Variants in DIS3L2 observed in about 807,000 individuals in gnomAD.
DIS3L2 encodes DIS3 like 3'-5' exoribonuclease 2, also known as DIS3-like exonuclease 2.
Under a neutral mutation model 97.5 loss-of-function variants are expected in DIS3L2, and 34 were observed. That is an observed-to-expected ratio of 0.35 (90% CI 0.27 to 0.46). The LOEUF is 0.46. Among genes scored for constraint, DIS3L2 ranks in the 20% least tolerant of loss-of-function variants. The pLI is 1.00. For missense variants in DIS3L2, 1,038 were observed against 1,146.0 expected (o/e 0.91, Z 1.36); for synonymous variants, 435 against 445.2 (o/e 0.98, Z 0.29).
intron 5 of DIS3L2, among the ~76,000 whole-genome samples, chr2:232,046,767 T>A (rs749837855): frequency 1.3e-5 from 2 of 152,264 alleles, no homozygotes. Flanking sequence ...TTTATCCTAC[T>A]AAGTGTTCTG....
intron 1 of DIS3L2, among the ~76,000 whole-genome samples, chr2:231,994,894 C>T (rs1216638032): frequency 6.7e-6 from 1 of 149,696 alleles, no homozygotes; most frequent in Admixed American, 6.7e-5. Context: ...CTCACTGTAA[C>T]CTCAACCTTC....
intron 9 of DIS3L2, among the ~76,000 whole-genome samples, chr2:232,187,276 G>C (rs867345642): frequency 5.3e-5 from 8 of 152,268 alleles, no homozygotes; most frequent in Middle Eastern, 3.4e-3. Flanking sequence ...TGAGGATGTA[G>C]TGAAATTGGA....
chr2:232,327,239 C>T (rs556396408), intron 14 of DIS3L2, among the ~76,000 whole-genome samples: 64 of 152,356 alleles, frequency 4.2e-4, no homozygotes, highest in Admixed American at 9.8e-4. Flanking sequence ...GCCTCCTTAG[C>T]CTGCAGCCTC....
In DIS3L2 at chr2:232,336,538, A is replaced by C; in HGVS notation, c.2566A>C (p.Ile856Leu). The change falls in exon 21 of 21, where the codon ATC becomes CTC. Residue 856 changes from isoleucine to leucine, a missense_variant. Around this residue, in one of 3 missense-constraint regions of DIS3L2, gnomAD observed 221 missense variants for 246.9 expected, o/e 0.90. Transcript: ENST00000325385. ...AESTALKYSA[I>L]LKRPGTQGHL... ...GTCCACAGCCCTCAAGTACAGCGCC[A>C]TCCTGAAGCGGCCAGGCACCCAGGG... 6.2e-7 allele frequency: 1 copy of C among 1,610,406 alleles called. No homozygotes were observed. The highest frequency in any genetic ancestry group is 8.5e-7 in the Non-Finnish European group (1 of 1,179,936).
chr2:231,966,131 G>T (rs1156894463), intron 1 of DIS3L2, among the ~76,000 whole-genome samples: 2 of 151,374 alleles, frequency 1.3e-5, no homozygotes. Flanking sequence ...TTTTGCTGAT[G>T]TCAGGGAGTG....
At chr2:232,272,392 A>C (rs1694031305) in intron 13 of DIS3L2, among the ~76,000 whole-genome samples, 1 of 152,248 alleles carries the variant, frequency 6.6e-6, no homozygotes, top group South Asian at 2.1e-4. Context: ...GCAAGGGCAC[A>C]GTCTCTTGAA....
chr2:232,228,023 G>A (rs1458344751), intron 10 of DIS3L2, among the ~76,000 whole-genome samples: 1 of 152,070 alleles, frequency 6.6e-6, no homozygotes, highest in Non-Finnish European at 1.5e-5. Context: ...GTTGGAGTGC[G>A]ATGGTGCTAT....
intron 16 of DIS3L2, 51 bp from the exon 17 acceptor site, chr2:232,333,789 C>T (rs748331520): frequency 6.6e-7 from 1 of 1,514,526 alleles, no homozygotes; most frequent in East Asian, 2.4e-5. Context: ...CCTTCCAGGC[C>T]TGGCTGGGCA....
chr2:232,321,839 A>G lies in DIS3L2; in HGVS notation c.1740-7974A>G, dbSNP rs188871614. Among the ~76,000 whole-genome samples, 56 of 152,224 alleles carry G rather than the reference A, an allele frequency of 3.7e-4. No individual in the cohort carries two copies. In the East Asian group the frequency reaches 7.7e-3, roughly 21 times the overall value. On this transcript the variant is annotated intron_variant, in intron 14 of 20. Coordinates refer to ENST00000325385, the MANE Select transcript of DIS3L2 (RefSeq NM_152383.5). ...TGGAAACAAGGCTTCCAAGGTGGCA[A>G]CAGTGTCCCAGCCCAGCCAGGCGGT...
chr2:232,077,373 A>G lies in DIS3L2; in HGVS notation c.367-10114A>G, dbSNP rs573367867. ...AAACTAACTTCAGGATGTATCTGAC[A>G]CAAGTTTCTGTGTGTGTGTGTTTGG... On this transcript the variant is annotated intron_variant, in intron 5 of 20. Transcript: ENST00000325385. Among the ~76,000 whole-genome samples the G allele has an allele frequency of 8.0e-4, 121 of 151,786 alleles. 1 individual carries two copies. The highest frequency in any genetic ancestry group is 1.4e-3 in the Non-Finnish European group (98 of 67,982).
intron 9 of DIS3L2, among the ~76,000 whole-genome samples, chr2:232,175,513 CAT>C (rs1305090396): frequency 6.6e-6 from 1 of 152,102 alleles, no homozygotes; most frequent in Admixed American, 6.5e-5. Flanking sequence ...ACACTGGCCT[CAT>C]AGAATGAGTT....
intron 13 of DIS3L2, among the ~76,000 whole-genome samples, chr2:232,296,208 CTTG>C (rs1180145072): frequency 2.6e-5 from 4 of 152,214 alleles, no homozygotes; most frequent in Non-Finnish European, 5.9e-5. Flanking sequence ...ATCCTGAACA[CTTG>C]TTGACTCTTC....
At chr2:232,083,199 C>G (rs941556314) in intron 5 of DIS3L2, among the ~76,000 whole-genome samples, 7 of 151,690 alleles carry the variant, frequency 4.6e-5, no homozygotes, top group African/African-American at 1.7e-4. Context: ...CCATTCTCTT[C>G]TTAAACTTCG....
intron 3 of DIS3L2, among the ~76,000 whole-genome samples, chr2:232,018,305 C>A (rs914922345): frequency 3.3e-5 from 5 of 152,140 alleles, no homozygotes; most frequent in African/African-American, 1.2e-4. Context: ...CTCTAATTCC[C>A]AGGAGTTTGT....
In DIS3L2 at chr2:232,335,787, G is replaced by T. The variant is rs148106618; in HGVS notation, c.2409G>T (p.Arg803=). The T allele has an allele frequency of 1.4e-4, 216 of 1,550,542 alleles. No homozygotes were observed. The highest frequency in any genetic ancestry group is 6.8e-4 in the Middle Eastern group (4 of 5,864). The change falls in exon 20 of 21, where the codon CGG becomes CGT. Residue 803 remains arginine (R), a synonymous_variant. Coordinates refer to ENST00000325385, the MANE Select transcript of DIS3L2 (RefSeq NM_152383.5). Reference sequence around the variant, plus strand: ...TTGCACTCCAGGCACTGGCCCTGCGGTCCCACCACTTCCAGAAGGTGGGCA... The same window carrying T: ...TTGCACTCCAGGCACTGGCCCTGCGTTCCCACCACTTCCAGAAGGTGGGCA... The part of the protein sequence containing the change: ...KRIYCNALAL[R]SHHFQKVGKK...
chr2:231,979,382 G>A (rs1178964536), intron 1 of DIS3L2, among the ~76,000 whole-genome samples: 2 of 151,796 alleles, frequency 1.3e-5, no homozygotes, highest in African/African-American at 4.8e-5. Context: ...TCAGCCTCCC[G>A]AGTAGCTAGG....
intron 14 of DIS3L2, among the ~76,000 whole-genome samples, chr2:232,322,841 T>C (rs1695474375): frequency 6.6e-6 from 1 of 152,226 alleles, no homozygotes; most frequent in East Asian, 1.9e-4. Context: ...CAGAGCCTAA[T>C]TTTAAAACCG....
chr2:232,221,093 C>T (rs1346342236), intron 10 of DIS3L2, among the ~76,000 whole-genome samples: 1 of 93,440 alleles, frequency 1.1e-5, no homozygotes, highest in Non-Finnish European at 1.9e-5. Context: ...CAGAACAAGA[C>T]TTCATCTCAA....
At chr2:231,970,754 T>A (rs1169677050) in intron 1 of DIS3L2, among the ~76,000 whole-genome samples, 1 of 152,140 alleles carries the variant, frequency 6.6e-6, no homozygotes, top group African/African-American at 2.4e-5. Flanking sequence ...TAGAAAACAT[T>A]TTTTCTTTCT....
Sources: gnomAD v4.1 joint callset for allele counts (sites outside exome capture counted in the v4.1 genomes callset) on GRCh38, gnomAD v4.1.1 for gene constraint, gnomAD v4.1.1 regional missense constraint, MANE v1.5 for transcripts, NCBI Gene and HGNC (gene_info 2026-07-23, HGNC 2026-07-21) for gene names.